The following ARHGAP44 variants were observed in gnomAD, a reference collection of about 807,000 sequenced individuals.
ARHGAP44 encodes rho GTPase-activating protein 44.
In ARHGAP44, 43 loss-of-function variants were observed where a neutral mutation model predicts 106.8. That is an observed-to-expected ratio of 0.40 (90% CI 0.32 to 0.52). ARHGAP44 has a LOEUF of 0.52. Ranked by LOEUF, ARHGAP44 falls within the 20% of genes least tolerant of loss-of-function variation. The probability of loss-of-function intolerance (pLI) is 0.48; values close to 1 mark genes in which losing one functional copy is unlikely to be tolerated. For synonymous variants in ARHGAP44, 439 were observed against 410.3 expected (o/e 1.07, Z -0.85); for missense variants, 866 against 1,050.5 (o/e 0.82, Z 2.43).
intron 1 of ARHGAP44, among the ~76,000 whole-genome samples, chr17:12,876,431 T>C (rs1231576743): frequency 2.0e-5 from 3 of 152,172 alleles, no homozygotes; most frequent in African/African-American, 7.2e-5. Context: ...TGTTCATCTC[T>C]GTGTGTCTTA....
At chr17:12,904,020 C>T (rs6502210) in intron 3 of ARHGAP44, among the ~76,000 whole-genome samples, 106,834 of 152,150 alleles carry the variant, frequency 0.7, 38,141 homozygotes, top group East Asian at 0.98. Flanking sequence ...CTTCTTCTTA[C>T]GTACTGTCTT....
intron 1 of ARHGAP44, among the ~76,000 whole-genome samples, chr17:12,812,912 T>C (rs1345672635): frequency 1.3e-5 from 2 of 152,224 alleles, no homozygotes; most frequent in Admixed American, 6.5e-5. Flanking sequence ...CACAGTCATA[T>C]GGTGTTCTAT....
At chr17:12,905,723 C>T in intron 3 of ARHGAP44, among the ~76,000 whole-genome samples, 1 of 152,204 alleles carries the variant, frequency 6.6e-6, no homozygotes, top group Non-Finnish European at 1.5e-5. Flanking sequence ...ATAGGCAAAT[C>T]CTCTCTTCTT....
At chr17:12,959,368 G>A (rs1484874068) in intron 16 of ARHGAP44, among the ~76,000 whole-genome samples, 1 of 152,112 alleles carries the variant, frequency 6.6e-6, no homozygotes, top group Non-Finnish European at 1.5e-5. Context: ...AACAGCCTGA[G>A]CGTAAAATCC....
intron 1 of ARHGAP44, among the ~76,000 whole-genome samples, chr17:12,838,675 GTTTA>G (rs1413109803): frequency 6.6e-6 from 1 of 151,986 alleles, no homozygotes; most frequent in Non-Finnish European, 1.5e-5. Flanking sequence ...CTCCAATTTT[GTTTA>G]TTTATTTTGA....
At chr17:12,848,940 C>A (rs186483991) in intron 1 of ARHGAP44, among the ~76,000 whole-genome samples, 1 of 151,562 alleles carries the variant, frequency 6.6e-6, no homozygotes, top group African/African-American at 2.4e-5. Context: ...CCCAGCTACT[C>A]GGGAGGCTGA....
intron 3 of ARHGAP44, among the ~76,000 whole-genome samples, chr17:12,903,083 T>TGAGAGAGA (rs67363604): frequency 3.7e-4 from 26 of 70,150 alleles, no homozygotes; most frequent in African/African-American, 6.6e-4. Flanking sequence ...AGGGAATATA[T>TGAGAGAGA]GAGAGAGAGA....
At chr17:12,937,772 A>G (rs1037323309) in intron 7 of ARHGAP44, among the ~76,000 whole-genome samples, 1 of 152,196 alleles carries the variant, frequency 6.6e-6, no homozygotes, top group Non-Finnish European at 1.5e-5. Flanking sequence ...ATTTATAAAT[A>G]TCTTGGAGGC....
intron 13 of ARHGAP44, 141 bp downstream of exon 13, chr17:12,952,722 CTTT>C (rs201371135): frequency 5.9e-3 from 1,824 of 306,792 alleles, no homozygotes; most frequent in South Asian, 0.02. Flanking sequence ...TGCATGGTCT[CTTT>C]TTTTTTTTTT....
intron 5 of ARHGAP44, among the ~76,000 whole-genome samples, chr17:12,918,855 G>A (rs1488664831): frequency 6.6e-6 from 1 of 152,182 alleles, no homozygotes; most frequent in Non-Finnish European, 1.5e-5. Context: ...TGGGGGCAAG[G>A]TGAGGGCAGG....
chr17:12,963,838 T>C (rs1183677833), intron 16 of ARHGAP44, among the ~76,000 whole-genome samples: 1 of 152,212 alleles, frequency 6.6e-6, no homozygotes, highest in Non-Finnish European at 1.5e-5. Flanking sequence ...AAAAAATCCT[T>C]CAACCTGTCC....
At chr17:12,927,332 C>G (rs541556580) in intron 6 of ARHGAP44, among the ~76,000 whole-genome samples, 1 of 152,244 alleles carries the variant, frequency 6.6e-6, no homozygotes, top group South Asian at 2.1e-4. Flanking sequence ...GTTTCCATTT[C>G]TTGTATTATA....
At chr17:12,828,406 T>G (rs1276025262) in intron 1 of ARHGAP44, among the ~76,000 whole-genome samples, 1 of 152,088 alleles carries the variant, frequency 6.6e-6, no homozygotes, top group Non-Finnish European at 1.5e-5. Flanking sequence ...TTTTCATTTT[T>G]TTCCTAATCA....
chr17:12,918,459 C>T (rs959535639), intron 5 of ARHGAP44, among the ~76,000 whole-genome samples: 2 of 152,058 alleles, frequency 1.3e-5, no homozygotes, highest in East Asian at 1.9e-4. Flanking sequence ...TTGCTGGGCC[C>T]GGAACCAAAA....
At position 12,928,979 on chromosome 17, in the gene ARHGAP44, C is replaced by T. The variant is rs758540903; in HGVS notation, c.515C>T (p.Ala172Val). 19 of 1,613,344 alleles carry T rather than the reference C, an allele frequency of 1.2e-5. No homozygotes were observed. Among genetic ancestry groups the T allele is most frequent in the Middle Eastern group, 1.7e-4 (1 of 6,060 alleles). The change falls in exon 7 of 21, where the codon GCG becomes GTG. Residue 172 changes from alanine (A) to valine (V), a missense_variant. Physicochemically the swap from Ala to Val is moderately conservative, Grantham distance 64. Around this residue, in one of 2 missense-constraint regions of ARHGAP44, gnomAD observed 448 missense variants for 646.9 expected, o/e 0.69. Coordinates refer to ENST00000379672, the MANE Select transcript of ARHGAP44 (RefSeq NM_014859.6). ...SSGLSSSLQP[A>V]GAKADALREE... Reference sequence around the variant, plus strand: ...GGTTTGTCCAGCAGCTTACAGCCTGCGGGTGCCAAGGCTGATGCCCTCAGG... The same window carrying T: ...GGTTTGTCCAGCAGCTTACAGCCTGTGGGTGCCAAGGCTGATGCCCTCAGG...
chr17:12,909,944 A>T (rs979102162), intron 4 of ARHGAP44, among the ~76,000 whole-genome samples: 4 of 152,244 alleles, frequency 2.6e-5, no homozygotes, highest in African/African-American at 9.6e-5. Flanking sequence ...CCAGAGGGAA[A>T]AAAGATCATT....
intron 1 of ARHGAP44, among the ~76,000 whole-genome samples, chr17:12,856,488 T>C (rs2035915715): frequency 6.6e-6 from 1 of 152,214 alleles, no homozygotes; most frequent in South Asian, 2.1e-4. Flanking sequence ...TAGGAAAATA[T>C]CGGAAGTTGG....
chr17:12,843,916 C>T (rs898121622), intron 1 of ARHGAP44, among the ~76,000 whole-genome samples: 1 of 151,998 alleles, frequency 6.6e-6, no homozygotes, highest in Non-Finnish European at 1.5e-5. Flanking sequence ...CTTGACCTTC[C>T]AAAGTACTGG....
At chr17:12,882,451 G>C (rs4791510) in intron 1 of ARHGAP44, among the ~76,000 whole-genome samples, 3,614 of 152,090 alleles carry the variant, frequency 0.024, 147 homozygotes, top group African/African-American at 0.083. Context: ...TTCTATTTTA[G>C]TTGCTTACTG....
Sources: gnomAD v4.1 joint callset for allele counts (sites outside exome capture counted in the v4.1 genomes callset) on GRCh38, gnomAD v4.1.1 for gene constraint, gnomAD v4.1.1 regional missense constraint, MANE v1.5 for transcripts, NCBI Gene and HGNC (gene_info 2026-07-23, HGNC 2026-07-21) for gene names.